The following CHL1 variants were observed in gnomAD, a reference collection of about 807,000 sequenced individuals.
CHL1 encodes the protein neural cell adhesion molecule L1-like protein.
Under a neutral mutation model 141.9 loss-of-function variants are expected in CHL1, and 96 were observed. The ratio of observed to expected loss-of-function variants is 0.68; its 90% CI spans 0.57 to 0.80. The LOEUF (loss-of-function observed/expected upper bound fraction) is 0.80. Ranked by LOEUF, CHL1 falls within the 30% of genes least tolerant of loss-of-function variation. The probability of loss-of-function intolerance (pLI) is 0.00; values close to 1 mark genes in which losing one functional copy is unlikely to be tolerated. For missense variants in CHL1, 1,820 were observed against 1,457.2 expected (o/e 1.25, Z -4.05); for synonymous variants, 613 against 502.2 (o/e 1.22, Z -2.95).
chr3:241,998 C>G (rs1692618745), intron 1 of CHL1, among the ~76,000 whole-genome samples: 1 of 152,068 alleles, frequency 6.6e-6, no homozygotes, highest in Non-Finnish European at 1.5e-5. Flanking sequence ...AAGACGTTTT[C>G]TTAGATTATA....
chr3:325,700 C>T (rs920869062), intron 3 of CHL1, among the ~76,000 whole-genome samples: 4 of 151,910 alleles, frequency 2.6e-5, no homozygotes, highest in Admixed American at 1.3e-4. Context: ...AGCAACTTTT[C>T]TTCTGCTATA....
At chr3:243,279 C>T (rs1009730492) in intron 1 of CHL1, among the ~76,000 whole-genome samples, 1 of 152,116 alleles carries the variant, frequency 6.6e-6, no homozygotes, top group Admixed American at 6.5e-5. Flanking sequence ...AACATGGGAG[C>T]CAGGTTCTGT....
chr3:209,674 C>T (rs186427559), intron 1 of CHL1, among the ~76,000 whole-genome samples: 37 of 152,288 alleles, frequency 2.4e-4, no homozygotes, highest in Middle Eastern at 3.4e-3. Flanking sequence ...ATTAACTCGT[C>T]GTTTACATTA....
At chr3:252,341 C>A (rs1340282540) in intron 2 of CHL1, among the ~76,000 whole-genome samples, 1 of 117,976 alleles carries the variant, frequency 8.5e-6, no homozygotes, top group Non-Finnish European at 1.7e-5. Flanking sequence ...TGTAGAGCCA[C>A]AGATTTAAGA....
chr3:312,157 A>C (rs2124989240), intron 2 of CHL1, among the ~76,000 whole-genome samples: 1 of 152,330 alleles, frequency 6.6e-6, no homozygotes, highest in East Asian at 1.9e-4. Context: ...GATATTATTA[A>C]TGATATTAGT....
chr3:314,329 G>GTATATATATATATATATATATATATATA (rs56292297), intron 2 of CHL1, among the ~76,000 whole-genome samples: 1 of 65,344 alleles, frequency 1.5e-5, no homozygotes, highest in Non-Finnish European at 3.0e-5. Context: ...CTCTCTATGT[G>GTATATATATATATATATATATATATATA]TATATATATA....
intron 2 of CHL1, among the ~76,000 whole-genome samples, chr3:283,845 A>G (rs1268362362): frequency 6.6e-6 from 1 of 152,204 alleles, no homozygotes; most frequent in Non-Finnish European, 1.5e-5. Context: ...CCTCCACCCC[A>G]GTTGAGAACA....
chr3:314,365 A>G (rs924953951), intron 2 of CHL1, among the ~76,000 whole-genome samples: 3 of 121,186 alleles, frequency 2.5e-5, no homozygotes, highest in African/African-American at 6.3e-5. Context: ...ATATATATAT[A>G]TATATCTGCT....
In CHL1 at chr3:384,057, A is replaced by G. The variant is rs1415256977; in HGVS notation, c.2247+171A>G. Among the ~76,000 whole-genome samples, 8 of 152,346 alleles carry G rather than the reference A, an allele frequency of 5.3e-5. No individual in the cohort carries two copies. The East Asian group carries it at 1.2e-3, about 22-fold the overall frequency. On this transcript the variant is annotated intron_variant, in intron 19 of 27. Coordinates refer to ENST00000256509, the MANE Select transcript of CHL1 (RefSeq NM_006614.4). ...AATTTTAAAGATCATTGTGATTAAA[A>G]TGATGTTATGAAATCGAGTTTAACA...
intron 1 of CHL1, among the ~76,000 whole-genome samples, chr3:202,397 A>G (rs564972577): frequency 7.2e-4 from 109 of 152,304 alleles, no homozygotes; most frequent in African/African-American, 2.5e-3. Context: ...GTTGATTCCT[A>G]CATTAATTAT....
intron 2 of CHL1, among the ~76,000 whole-genome samples, chr3:257,497 G>C (rs929356445): frequency 1.3e-5 from 2 of 152,004 alleles, no homozygotes; most frequent in Admixed American, 1.3e-4. Context: ...GGGATTACAG[G>C]TGCCTGCCAC....
At chr3:315,025 AGTT>A (rs1167101256) in intron 2 of CHL1, among the ~76,000 whole-genome samples, 1 of 152,084 alleles carries the variant, frequency 6.6e-6, no homozygotes, top group African/African-American at 2.4e-5. Context: ...TTATTTTGTA[AGTT>A]GTTATGATTT....
At chr3:246,860 A>G (rs532203662) in intron 2 of CHL1, 257 of 152,194 alleles carry the variant, frequency 1.7e-3, no homozygotes, top group African/African-American at 5.9e-3. Context: ...TTATCCATGC[A>G]TCTTAACAGA....
intron 2 of CHL1, among the ~76,000 whole-genome samples, chr3:254,757 G>A (rs567585192): frequency 2.6e-5 from 4 of 152,166 alleles, no homozygotes; most frequent in Non-Finnish European, 1.5e-5. Context: ...ATATTGGAAA[G>A]TGGAAAGGCA....
chr3:211,630 C>CA (rs1158651485), intron 1 of CHL1, among the ~76,000 whole-genome samples: 2 of 152,146 alleles, frequency 1.3e-5, no homozygotes, highest in African/African-American at 4.8e-5. Flanking sequence ...AGCATTATCC[C>CA]ATCCTTCTGA....
intron 2 of CHL1, among the ~76,000 whole-genome samples, chr3:260,911 T>C (rs186569470): frequency 1.3e-5 from 2 of 152,356 alleles, no homozygotes; most frequent in African/African-American, 4.8e-5. Flanking sequence ...AACCACCAGA[T>C]TGTCAGAAAT....
chr3:378,732 T>C (rs111997979), intron 16 of CHL1, among the ~76,000 whole-genome samples: 1 of 152,294 alleles, frequency 6.6e-6, no homozygotes, highest in Non-Finnish European at 1.5e-5. Context: ...ACTGGCTGTG[T>C]CCCACTGCCA....
At chr3:230,100 A>T (rs1369170459) in intron 1 of CHL1, among the ~76,000 whole-genome samples, 1 of 152,064 alleles carries the variant, frequency 6.6e-6, no homozygotes, top group African/African-American at 2.4e-5. Flanking sequence ...CACTGGAAGA[A>T]CTCTTTAAAA....
intron 2 of CHL1, among the ~76,000 whole-genome samples, chr3:304,286 C>G (rs915675626): frequency 6.6e-6 from 1 of 152,094 alleles, no homozygotes; most frequent in Non-Finnish European, 1.5e-5. Context: ...CCCTCTTTTC[C>G]TGTTGTTTGG....
Sources: gnomAD v4.1 joint callset for allele counts (sites outside exome capture counted in the v4.1 genomes callset) on GRCh38, gnomAD v4.1.1 for gene constraint, MANE v1.5 for transcripts, NCBI Gene and HGNC (gene_info 2026-07-23, HGNC 2026-07-21) for gene names.